Variants in CLTRN observed in about 807,000 individuals in gnomAD.
The protein encoded by CLTRN is collectrin.
CLTRN carries 12 observed loss-of-function variants against 14.5 expected under a neutral mutation model. The observed-to-expected ratio is 0.83, with a 90% CI of 0.53 to 1.34. CLTRN has a LOEUF of 1.34. Ranked by LOEUF, CLTRN falls within the 40% of genes most tolerant of loss-of-function variation. CLTRN has a pLI of 0.00. For synonymous variants in CLTRN, 58 were observed against 56.5 expected (o/e 1.03, Z -0.12); for missense variants, 154 against 165.1 (o/e 0.93, Z 0.37).
At chrX:15,674,370 G>A (rs1198591816) in intron 1 of CLTRN, among the ~76,000 whole-genome samples, 1 of 111,780 alleles carries the variant, frequency 8.9e-6, no homozygotes, top group East Asian at 2.8e-4. Flanking sequence ...GTCATCAGGA[G>A]GACACATCAG....
At chrX:15,672,510 G>C (rs746580579) in intron 1 of CLTRN, among the ~76,000 whole-genome samples, 7 of 107,460 alleles carry the variant, frequency 6.5e-5, no homozygotes, top group African/African-American at 2.4e-4. Flanking sequence ...CTCTATAAAG[G>C]GTGTGGGGGC....
chrX:15,665,189 C>T (rs770374336), upstream of CLTRN, among the ~76,000 whole-genome samples: 40 of 111,329 alleles, frequency 3.6e-4, no homozygotes, highest in Non-Finnish European at 6.0e-4. Context: ...CTTAGATAGG[C>T]TATCTTCATT....
At chrX:15,628,580 T>A (rs990079616) in intron 5 of CLTRN, among the ~76,000 whole-genome samples, 1 of 112,264 alleles carries the variant, frequency 8.9e-6, no homozygotes, top group Non-Finnish European at 1.9e-5. Context: ...TCTCATGGGA[T>A]TTGACAAATT....
chrX:15,673,580 T>A (rs1295754976), intron 1 of CLTRN, among the ~76,000 whole-genome samples: 1 of 112,520 alleles, frequency 8.9e-6, no homozygotes, highest in Non-Finnish European at 1.9e-5. Flanking sequence ...ATAAATGAGA[T>A]AGAGTTCTCA....
chrX:15,653,360 T>G (rs1021387596), intron 3 of CLTRN, among the ~76,000 whole-genome samples: 2 of 110,485 alleles, frequency 1.8e-5, no homozygotes, highest in African/African-American at 6.6e-5. Flanking sequence ...TTTTCCTTTT[T>G]TGCTGTCTAG....
chrX:15,642,835 G>A (rs995084341), intron 4 of CLTRN, among the ~76,000 whole-genome samples: 6 of 110,992 alleles, frequency 5.4e-5, no homozygotes, highest in African/African-American at 2.0e-4. Context: ...GCTCATGCCT[G>A]TAATCCCAGC....
At chrX:15,660,312 A>T (rs776172684) in intron 2 of CLTRN, among the ~76,000 whole-genome samples, 24 of 111,471 alleles carry the variant, frequency 2.2e-4, no homozygotes, top group Non-Finnish European at 3.6e-4. Context: ...ATATTTTCAT[A>T]GCATATTCTT....
chrX:15,648,295 C>T (rs1464147930), intron 3 of CLTRN, among the ~76,000 whole-genome samples: 1 of 111,814 alleles, frequency 8.9e-6, no homozygotes, highest in Non-Finnish European at 1.9e-5. Flanking sequence ...CCCAGGGTTT[C>T]TCAACATCAG....
At chrX:15,665,887 G>A (rs760367694), upstream of CLTRN, among the ~76,000 whole-genome samples, 1 of 111,956 alleles carries the variant, frequency 8.9e-6, no homozygotes, top group South Asian at 3.8e-4. Flanking sequence ...GGATGAGTGG[G>A]ATGGGTGTCA....
chrX:15,631,754 T>C (rs749713894), intron 5 of CLTRN, among the ~76,000 whole-genome samples: 1 of 111,987 alleles, frequency 8.9e-6, no homozygotes, highest in African/African-American at 3.2e-5. Flanking sequence ...AGTTGCAGAG[T>C]CCTGGCATTG....
intron 2 of CLTRN, among the ~76,000 whole-genome samples, chrX:15,659,526 C>T (rs996040914): frequency 2.7e-5 from 3 of 111,599 alleles, no homozygotes; most frequent in South Asian, 3.7e-4. Context: ...AGTGTGTGTG[C>T]GTGCATATTA....
intron 3 of CLTRN, among the ~76,000 whole-genome samples, chrX:15,656,786 C>T (rs1266176783): frequency 1.8e-5 from 2 of 110,661 alleles, no homozygotes; most frequent in Non-Finnish European, 3.8e-5. Flanking sequence ...ATCTCGCTCG[C>T]CAATTCATCC....
At chrX:15,663,911 A>AT (rs1443872923) in intron 2 of CLTRN, among the ~76,000 whole-genome samples, 1 of 112,291 alleles carries the variant, frequency 8.9e-6, no homozygotes, top group East Asian at 2.8e-4. Context: ...CAAATTGGAA[A>AT]TTTTTTGTGC....
intron 5 of CLTRN, among the ~76,000 whole-genome samples, chrX:15,631,919 A>G (rs193161940): frequency 1.7e-4 from 19 of 112,463 alleles, no homozygotes; most frequent in African/African-American, 5.8e-4. Flanking sequence ...TTTACTAAGA[A>G]TAATAAAACT....
intron 2 of CLTRN, among the ~76,000 whole-genome samples, chrX:15,660,047 A>T (rs142446231): frequency 1.8e-5 from 2 of 111,494 alleles, no homozygotes; most frequent in Non-Finnish European, 3.8e-5. Context: ...AGGAAGGGAG[A>T]AAGTAGCAAA....
intron 5 of CLTRN, among the ~76,000 whole-genome samples, chrX:15,632,503 G>A (rs1267690987): frequency 9.1e-6 from 1 of 110,411 alleles, no homozygotes; most frequent in South Asian, 3.8e-4. Context: ...GCTTGAACCC[G>A]GGAGGTGGAG....
chrX:15,661,807 A>G (rs1929515369), intron 2 of CLTRN, among the ~76,000 whole-genome samples: 1 of 112,607 alleles, frequency 8.9e-6, no homozygotes, highest in African/African-American at 3.2e-5. Context: ...GAAATTGAAC[A>G]CATCTTTATA....
intron 3 of CLTRN, among the ~76,000 whole-genome samples, chrX:15,653,283 T>C (rs1929270883): frequency 1.8e-5 from 2 of 110,065 alleles, no homozygotes; most frequent in African/African-American, 3.3e-5. Context: ...ACTTAGATTC[T>C]GAAACAGGGT....
chrX:15,642,057 A>G (rs1928956604), intron 4 of CLTRN, among the ~76,000 whole-genome samples: 1 of 112,429 alleles, frequency 8.9e-6, no homozygotes, highest in African/African-American at 3.2e-5. Context: ...AACATCTGAG[A>G]GCACAAACTT....
Sources: gnomAD v4.1 joint callset for allele counts (sites outside exome capture counted in the v4.1 genomes callset) on GRCh38, gnomAD v4.1.1 for gene constraint, MANE v1.5 for transcripts, NCBI Gene and HGNC (gene_info 2026-07-23, HGNC 2026-07-21) for gene names.